EPC2: variants seen among roughly 807,000 people sequenced by gnomAD.
The protein encoded by EPC2 is enhancer of polycomb 2.
A neutral mutation model predicts 92.1 loss-of-function variants in EPC2; 14 were observed. The observed-to-expected ratio is 0.15, with a 90% CI of 0.10 to 0.24. EPC2 has a LOEUF of 0.24. EPC2 is among the 10% of genes least tolerant of loss of function. The pLI is 1.00. For missense variants in EPC2, 755 were observed against 971.5 expected (o/e 0.78, Z 2.96); for synonymous variants, 340 against 334.7 (o/e 1.02, Z -0.17).
At chr2:148,653,704 CT>C (rs35821896) in intron 1 of EPC2, among the ~76,000 whole-genome samples, 273 of 142,572 alleles carry the variant, frequency 1.9e-3, no homozygotes, top group Middle Eastern at 7.2e-3. Context: ...TGCTTGCTTG[CT>C]TTTTTTTTTT....
At chr2:148,663,343 C>G (rs988243654) in intron 1 of EPC2, among the ~76,000 whole-genome samples, 1 of 150,680 alleles carries the variant, frequency 6.6e-6, no homozygotes, top group Admixed American at 6.6e-5. Flanking sequence ...CTCAGCCTCC[C>G]GAGTAGCTGG....
chr2:148,776,794 A>G (rs1683652713), intron 10 of EPC2, among the ~76,000 whole-genome samples: 1 of 148,720 alleles, frequency 6.7e-6, no homozygotes, highest in African/African-American at 2.4e-5. Flanking sequence ...AAGTGGGAGG[A>G]TGGCTTGAGG....
At position 148,785,667 on chromosome 2, in the gene EPC2, T is replaced by C. The variant is rs188623096; in HGVS notation, c.2352-638T>C. On this transcript the variant is annotated intron_variant, in intron 13 of 13. Coordinates refer to ENST00000258484, the MANE Select transcript of EPC2 (RefSeq NM_015630.4). ...GCAGTCTGGAAGATGGGAGTTGTTATGATTAACTCCATGCCAGAGTTTAGG... is the reference window on the plus strand; with the variant it reads ...GCAGTCTGGAAGATGGGAGTTGTTACGATTAACTCCATGCCAGAGTTTAGG... Among the ~76,000 whole-genome samples, 16 of 152,326 alleles carry C rather than the reference T, an allele frequency of 1.1e-4. No individual in the cohort carries two copies. The South Asian group carries it at 2.1e-3, about 20-fold the overall frequency.
intron 3 of EPC2, among the ~76,000 whole-genome samples, chr2:148,748,045 G>A (rs1683017891): frequency 6.6e-6 from 1 of 152,070 alleles, no homozygotes; most frequent in Non-Finnish European, 1.5e-5. Flanking sequence ...TGGATCGTGA[G>A]AGTGGATTTT....
At chr2:148,673,930 T>C (rs1327802856) in intron 1 of EPC2, among the ~76,000 whole-genome samples, 1 of 152,238 alleles carries the variant, frequency 6.6e-6, no homozygotes, top group Non-Finnish European at 1.5e-5. Flanking sequence ...TTATAGTACA[T>C]TGATCCTCTT....
At chr2:148,676,865 C>CTT (rs11387596) in intron 1 of EPC2, among the ~76,000 whole-genome samples, 13 of 132,936 alleles carry the variant, frequency 9.8e-5, no homozygotes, top group Admixed American at 3.2e-4. Flanking sequence ...TTATTACCCA[C>CTT]TTTTTTTGGG....
chr2:148,714,113 C>T (rs1045349118), intron 2 of EPC2, among the ~76,000 whole-genome samples: 1 of 133,258 alleles, frequency 7.5e-6, no homozygotes, highest in African/African-American at 2.8e-5. Context: ...CCCCATGTGT[C>T]CATGTGTTCT....
chr2:148,751,473 A>C (rs1230565968), intron 3 of EPC2, among the ~76,000 whole-genome samples: 5 of 152,000 alleles, frequency 3.3e-5, no homozygotes, highest in Admixed American at 1.3e-4. Context: ...ACTGGTTTCT[A>C]CTGCTTTTTA....
intron 1 of EPC2, among the ~76,000 whole-genome samples, chr2:148,665,058 A>T (rs1304209663): frequency 1.3e-5 from 2 of 152,224 alleles, no homozygotes; most frequent in Non-Finnish European, 2.9e-5. Flanking sequence ...TATCTAGTTT[A>T]TAACTTTGCT....
chr2:148,670,156 C>T (rs540216477), intron 1 of EPC2, among the ~76,000 whole-genome samples: 4 of 152,266 alleles, frequency 2.6e-5, no homozygotes, highest in Admixed American at 1.3e-4. Flanking sequence ...TTCTCTTGCT[C>T]CATACTCTGG....
intron 1 of EPC2, among the ~76,000 whole-genome samples, chr2:148,678,304 G>A (rs1388474790): frequency 5.3e-5 from 8 of 152,166 alleles, no homozygotes; most frequent in Admixed American, 2.6e-4. Context: ...GGTTCTCCAC[G>A]TCCCCACCAG....
At chr2:148,676,851 G>C (rs909240109) in intron 1 of EPC2, among the ~76,000 whole-genome samples, 2 of 110,720 alleles carry the variant, frequency 1.8e-5, no homozygotes, top group Non-Finnish European at 3.7e-5. Context: ...TTTTTATATA[G>C]CCATTATTAC....
intron 7 of EPC2, among the ~76,000 whole-genome samples, chr2:148,765,949 T>C (rs907163547): frequency 7.9e-5 from 12 of 152,090 alleles, no homozygotes; most frequent in Non-Finnish European, 7.4e-5. Context: ...TCCAGGAGAA[T>C]GGCGTGCACC....
intron 2 of EPC2, chr2:148,691,904 A>G: frequency 4.0e-6 from 2 of 505,930 alleles, no homozygotes; most frequent in East Asian, 8.8e-5. Context: ...CTATACTAAT[A>G]TTAACACACA....
At chr2:148,703,628 T>C (rs1011932777) in intron 2 of EPC2, among the ~76,000 whole-genome samples, 4 of 152,090 alleles carry the variant, frequency 2.6e-5, no homozygotes, top group African/African-American at 9.7e-5. Context: ...TCCCAGGCTC[T>C]AGCACTTCTC....
At chr2:148,699,502 C>A (rs1248576422) in intron 2 of EPC2, among the ~76,000 whole-genome samples, 2 of 152,188 alleles carry the variant, frequency 1.3e-5, no homozygotes, top group Non-Finnish European at 2.9e-5. Context: ...TTGCCTTTCC[C>A]AGAATGTCAA....
intron 11 of EPC2, 44 bp from the exon 12 acceptor site, chr2:148,783,553 A>G (rs1214772936): frequency 1.9e-6 from 3 of 1,550,654 alleles, no homozygotes; most frequent in East Asian, 2.4e-5. Flanking sequence ...TGTTCATAAA[A>G]TCACATCTAA....
At chr2:148,741,660 C>G (rs1293965893) in intron 2 of EPC2, among the ~76,000 whole-genome samples, 1 of 152,144 alleles carries the variant, frequency 6.6e-6, no homozygotes, top group Non-Finnish European at 1.5e-5. Context: ...TCTATATAAC[C>G]AACCTGTTGG....
chr2:148,675,992 C>T (rs1681254388), intron 1 of EPC2, among the ~76,000 whole-genome samples: 1 of 152,138 alleles, frequency 6.6e-6, no homozygotes, highest in Non-Finnish European at 1.5e-5. Context: ...AAATTTCATT[C>T]TTGCTGATTT....
Sources: allele counts gnomAD v4.1 joint callset (sites outside exome capture counted in the v4.1 genomes callset), GRCh38; gene constraint gnomAD v4.1.1; transcripts MANE v1.5; gene names NCBI Gene and HGNC (gene_info 2026-07-23, HGNC 2026-07-21).